TCERG1: variants seen among roughly 807,000 people sequenced by gnomAD.
TCERG1 encodes TATA box binding protein (TBP)-associated factor, RNA polymerase II, S, 150kD.
Under a neutral mutation model 144.7 loss-of-function variants are expected in TCERG1, and 37 were observed. The observed-to-expected ratio is 0.26, with a 90% CI of 0.20 to 0.34. TCERG1 has a LOEUF of 0.34. Ranked by LOEUF, TCERG1 falls within the 10% of genes least tolerant of loss-of-function variation. TCERG1 has a pLI of 1.00. For synonymous variants in TCERG1, 492 were observed against 458.2 expected (o/e 1.07, Z -0.94); for missense variants, 1,027 against 1,380.7 (o/e 0.74, Z 4.06).
At chr5:146,500,922 C>T (rs1375775200) in intron 17 of TCERG1, among the ~76,000 whole-genome samples, 5 of 151,008 alleles carry the variant, frequency 3.3e-5, no homozygotes, top group Admixed American at 1.3e-4. Context: ...ATGGGAGGAT[C>T]GCTTGAGCCC....
At chr5:146,448,036 G>C (rs1219861722) in intron 1 of TCERG1, among the ~76,000 whole-genome samples, 3 of 152,224 alleles carry the variant, frequency 2.0e-5, no homozygotes, top group Non-Finnish European at 4.4e-5. Flanking sequence ...CCGTGTGCCA[G>C]TAAACCCTTT....
intron 7 of TCERG1, 151 bp from the exon 8 acceptor site, chr5:146,470,485 T>C: frequency 1.6e-6 from 1 of 639,736 alleles, no homozygotes; most frequent in Non-Finnish European, 2.6e-6. Context: ...AGTTGTGCAT[T>C]ACATAAGATT....
At chr5:146,457,035 C>T in intron 2 of TCERG1, 148 bp from the exon 3 acceptor site, 1 of 976,864 alleles carries the variant, frequency 1.0e-6, no homozygotes, top group Non-Finnish European at 1.5e-6. Context: ...ATTTTTGTTG[C>T]AGACATTTTG....
chr5:146,489,784 G>T (rs1383027393), intron 15 of TCERG1, among the ~76,000 whole-genome samples: 2 of 152,058 alleles, frequency 1.3e-5, no homozygotes, highest in Non-Finnish European at 2.9e-5. Flanking sequence ...CATTTTCATT[G>T]TATTATGAAA....
intron 1 of TCERG1, among the ~76,000 whole-genome samples, 194 bp downstream of exon 1, chr5:146,447,602 C>T (rs915600023): frequency 6.6e-6 from 1 of 152,216 alleles, no homozygotes; most frequent in African/African-American, 2.4e-5. Flanking sequence ...TGGGCCAGGG[C>T]CTCCTGCGCG....
intron 1 of TCERG1, among the ~76,000 whole-genome samples, chr5:146,449,824 TC>T (rs1279178887): frequency 3.9e-5 from 6 of 152,226 alleles, no homozygotes; most frequent in African/African-American, 1.4e-4. Flanking sequence ...TTTGTATAGA[TC>T]CTTTCCCTAG....
In TCERG1 at chr5:146,470,742, A is replaced by G; in HGVS notation, c.1506A>G (p.Ile502Met). ...CTAAAGAAGAGCCTATAAAGGAGAT[A>G]AAGGAGGTAAAGGGCCATGACCTGT... ...EDPKEEPIKE[I>M]KEEPKEEEMT... The change falls in exon 8 of 23, where the codon ATA (isoleucine) becomes ATG (methionine). Residue 502 changes from isoleucine (I) to methionine (M), a missense_variant. By Grantham distance (10) the Ile-to-Met change is conservative. Around this residue, in one of 6 missense-constraint regions of TCERG1, gnomAD observed 482 missense variants for 632.6 expected, o/e 0.76. Coordinates refer to ENST00000679501, the MANE Select transcript of TCERG1 (RefSeq NM_001382548.1). The G allele has an allele frequency of 1.9e-6, 3 of 1,606,898 alleles. No homozygotes were observed. The highest frequency in any genetic ancestry group is 2.5e-6 in the Non-Finnish European group (3 of 1,177,638).
intron 15 of TCERG1, among the ~76,000 whole-genome samples, chr5:146,492,373 G>T (rs1766511043): frequency 6.6e-6 from 1 of 151,994 alleles, no homozygotes; most frequent in Admixed American, 6.5e-5. Flanking sequence ...AATCATTGTT[G>T]GGTTATGACT....
At chr5:146,462,885 A>C (rs529460321) in intron 4 of TCERG1, among the ~76,000 whole-genome samples, 1 of 152,352 alleles carries the variant, frequency 6.6e-6, no homozygotes, top group African/African-American at 2.4e-5. Flanking sequence ...AAGTCTAACA[A>C]AACGTATATA....
intron 15 of TCERG1, among the ~76,000 whole-genome samples, chr5:146,486,965 C>T (rs1415993579): frequency 6.6e-6 from 1 of 152,044 alleles, no homozygotes; most frequent in African/African-American, 2.4e-5. Flanking sequence ...TGGTGCATGC[C>T]TTTCATCCCA....
At chr5:146,485,357 T>A (rs571897903) in intron 15 of TCERG1, among the ~76,000 whole-genome samples, 19 of 152,344 alleles carry the variant, frequency 1.2e-4, no homozygotes, top group African/African-American at 4.6e-4. Flanking sequence ...GTTTTTATTA[T>A]TTGTCTCCTC....
intron 19 of TCERG1, among the ~76,000 whole-genome samples, chr5:146,504,774 C>T (rs1481074944): frequency 2.0e-5 from 3 of 152,092 alleles, no homozygotes; most frequent in African/African-American, 4.8e-5. Flanking sequence ...TGGCTGGGCA[C>T]GGTGGCTCAT....
At chr5:146,460,705 G>T (rs1763263393) in intron 4 of TCERG1, among the ~76,000 whole-genome samples, 1 of 152,192 alleles carries the variant, frequency 6.6e-6, no homozygotes, top group African/African-American at 2.4e-5. Flanking sequence ...TATGGGGATA[G>T]CCTTTAAAGA....
rs1763538586 is a variant in TCERG1 at position 146,463,758 on chromosome 5, G to A, written c.1100G>A (p.Arg367His). ...AFPPVMVPPF[R>H]VPLPGMPIPL... ...CCACCAGTAATGGTACCTCCGTTTC[G>A]TGTTCCCCTTCCTGGCATGCCAATT... The change falls in exon 5 of 23, where the codon CGT (arginine) becomes CAT (histidine). Residue 367 changes from arginine (R) to histidine (H), a missense_variant. Physicochemically the swap from Arg to His is conservative, Grantham distance 29. This residue lies in a region of TCERG1 where 482 missense variants were observed against 632.6 expected (regional missense o/e 0.76). Coordinates refer to ENST00000679501, the MANE Select transcript of TCERG1 (RefSeq NM_001382548.1). 1.2e-6 allele frequency: 2 copies of A among 1,614,096 alleles called. No individual in the cohort carries two copies. Among genetic ancestry groups the A allele is most frequent in the African/African-American group, 1.3e-5 (1 of 75,022 alleles).
intron 16 of TCERG1, 132 bp downstream of exon 16, chr5:146,493,170 G>T: frequency 1.6e-6 from 1 of 628,528 alleles, no homozygotes; most frequent in East Asian, 3.4e-5. Context: ...ATCGGTTTTT[G>T]CCAAAATTTC....
chr5:146,452,584 T>C (rs934121451), intron 1 of TCERG1, among the ~76,000 whole-genome samples: 9 of 152,136 alleles, frequency 5.9e-5, no homozygotes, highest in African/African-American at 2.2e-4. Flanking sequence ...ATCCTCTCTT[T>C]ATTTTCTTTA....
At chr5:146,454,085 C>T (rs1057339521) in intron 1 of TCERG1, among the ~76,000 whole-genome samples, 4 of 151,216 alleles carry the variant, frequency 2.6e-5, no homozygotes, top group Non-Finnish European at 5.9e-5. Flanking sequence ...GTGGCGCATG[C>T]CTGTAGTCCC....
rs143498728 is a variant in TCERG1 at position 146,470,731 on chromosome 5, A to G, written c.1495A>G (p.Ile499Val). 27 of 1,610,414 alleles carry G rather than the reference A, an allele frequency of 1.7e-5. No individual in the cohort carries two copies. In the African/African-American group the frequency reaches 1.9e-4, roughly 11 times the overall value. The change falls in exon 8 of 23, where the codon ATA (isoleucine) becomes GTA (valine). Residue 499 changes from isoleucine to valine, a missense_variant. By Grantham distance (29) the Ile-to-Val change is conservative. Coordinates refer to ENST00000679501, the MANE Select transcript of TCERG1 (RefSeq NM_001382548.1). ...GGAGGAGGATCCTAAAGAAGAGCCT[A>G]TAAAGGAGATAAAGGAGGTAAAGGG... ...TEEEDPKEEP[I>V]KEIKEEPKEE...
intron 16 of TCERG1, among the ~76,000 whole-genome samples, chr5:146,497,975 C>T (rs1581553274): frequency 6.6e-6 from 1 of 152,132 alleles, no homozygotes; most frequent in Non-Finnish European, 1.5e-5. Flanking sequence ...TTTGTAGATT[C>T]CTCTTCACCC....
Sources: gnomAD v4.1 joint callset for allele counts (sites outside exome capture counted in the v4.1 genomes callset) on GRCh38, gnomAD v4.1.1 for gene constraint, gnomAD v4.1.1 regional missense constraint, MANE v1.5 for transcripts, NCBI Gene and HGNC (gene_info 2026-07-23, HGNC 2026-07-21) for gene names.